The following GPR39 variants were observed in gnomAD, a reference collection of about 807,000 sequenced individuals.
GPR39 encodes the protein G protein-coupled receptor 39, also known as zinc sensing receptor.
Under a neutral mutation model 18.4 loss-of-function variants are expected in GPR39, and 23 were observed. The observed-to-expected ratio is 1.25, with a 90% confidence interval of 0.90 to 1.77. The LOEUF (loss-of-function observed/expected upper bound fraction) is 1.77. Among genes scored for constraint, GPR39 ranks in the 40% most tolerant of loss-of-function variants. GPR39 has a pLI of 0.00. For missense variants in GPR39, 647 were observed against 602.4 expected, an observed-to-expected ratio of 1.07 and a Z score of -0.78; for synonymous variants, 280 against 257.9, an observed-to-expected ratio of 1.09 and a Z score of -0.82.
At chr2:132,588,801 G>T (rs1680777390) in intron 1 of GPR39, among the ~76,000 whole-genome samples, 1 of 152,174 alleles carries the variant, frequency 6.6e-6, no homozygotes, top group Non-Finnish European at 1.5e-5. Flanking sequence ...CCACTGTGAT[G>T]AGCAGAGGAG....
chr2:132,554,955 T>C (rs1438634824), intron 1 of GPR39, among the ~76,000 whole-genome samples: 1 of 36,224 alleles, frequency 2.8e-5, no homozygotes, highest in Non-Finnish European at 4.9e-5. Context: ...TTTCAACCAT[T>C]TTTTTTTTTT....
chr2:132,638,703 T>C (rs1681809572), intron 1 of GPR39, among the ~76,000 whole-genome samples: 1 of 152,194 alleles, frequency 6.6e-6, no homozygotes, highest in African/African-American at 2.4e-5. Flanking sequence ...AGTGCTAAAA[T>C]CTTTTATTGG....
chr2:132,578,060 T>G lies in GPR39; in HGVS notation c.857-67041T>G, dbSNP rs115302107. Among the ~76,000 whole-genome samples, 222 of 143,660 alleles carry G rather than the reference T, an allele frequency of 1.5e-3. 1 individual carries two copies. Among genetic ancestry groups the G allele is most frequent in the African/African-American group, 5.6e-3 (211 of 37,348 alleles). The allele number at this position is 143,660 out of a possible 152,430, so 94.2% of individuals were successfully genotyped here. A position where few individuals can be genotyped will look rare whatever the true frequency, so the allele number is the denominator to read the frequency against. On this transcript the variant is annotated intron_variant, in intron 1 of 1. Transcript: ENST00000329321. ...AAGAAACTCCCCTCTATTTCTATTTTTCTAGAGTTTTTTTTTTTTTTTTTA... is the reference window on the plus strand; with the variant it reads ...AAGAAACTCCCCTCTATTTCTATTTGTCTAGAGTTTTTTTTTTTTTTTTTA...
chr2:132,591,015 G>C (rs1300015094), intron 1 of GPR39, among the ~76,000 whole-genome samples: 1 of 151,702 alleles, frequency 6.6e-6, no homozygotes, highest in African/African-American at 2.4e-5. Context: ...ACTTTGGGAG[G>C]CCGAGGCGGG....
At chr2:132,532,653 A>G (rs1312185207) in intron 1 of GPR39, among the ~76,000 whole-genome samples, 1 of 152,218 alleles carries the variant, frequency 6.6e-6, no homozygotes, top group Non-Finnish European at 1.5e-5. Flanking sequence ...CACCATGATC[A>G]AGTGGGCTTC....
intron 1 of GPR39, among the ~76,000 whole-genome samples, chr2:132,465,456 A>G (rs1383018467): frequency 9.2e-5 from 14 of 152,326 alleles, no homozygotes; most frequent in Admixed American, 5.9e-4. Flanking sequence ...GGTATTGGCA[A>G]TGAAACTGTC....
chr2:132,429,817 A>T (rs1680192148), intron 1 of GPR39, among the ~76,000 whole-genome samples: 1 of 152,224 alleles, frequency 6.6e-6, no homozygotes, highest in Non-Finnish European at 1.5e-5. Context: ...TTCTGGATGA[A>T]ACTGGAATGG....
chr2:132,493,043 C>CAT (rs1223585540), intron 1 of GPR39, among the ~76,000 whole-genome samples: 2 of 111,374 alleles, frequency 1.8e-5, no homozygotes, highest in Non-Finnish European at 3.5e-5. Context: ...ATATATATAC[C>CAT]ATATATACCA....
intron 1 of GPR39, among the ~76,000 whole-genome samples, chr2:132,564,857 C>A (rs901196478): frequency 1.8e-5 from 2 of 113,144 alleles, no homozygotes; most frequent in Non-Finnish European, 3.5e-5. Context: ...CGCTCTATTG[C>A]CCAGGCTGGA....
intron 1 of GPR39, among the ~76,000 whole-genome samples, chr2:132,548,109 C>T (rs950649833): frequency 1.3e-5 from 2 of 152,066 alleles, no homozygotes; most frequent in East Asian, 3.9e-4. Flanking sequence ...CTAAATCATC[C>T]TCCTCCCCTT....
intron 1 of GPR39, among the ~76,000 whole-genome samples, chr2:132,464,709 C>T (rs550730951): frequency 2.0e-5 from 3 of 152,260 alleles, no homozygotes; most frequent in Non-Finnish European, 4.4e-5. Flanking sequence ...TGTGTCCTTC[C>T]CTCCTATGAC....
chr2:132,569,023 C>T (rs936118756), intron 1 of GPR39, among the ~76,000 whole-genome samples: 4 of 152,028 alleles, frequency 2.6e-5, no homozygotes, highest in East Asian at 1.9e-4. Flanking sequence ...ATAGACTAAG[C>T]GCCTTGGTTT....
chr2:132,565,900 A>C (rs1318737986), intron 1 of GPR39, among the ~76,000 whole-genome samples: 288 of 150,408 alleles, frequency 1.9e-3, no homozygotes, highest in East Asian at 6.9e-3. Context: ...ATTTATAGTC[A>C]TTTGGGTATA....
chr2:132,470,687 A>G (rs990945868), intron 1 of GPR39, among the ~76,000 whole-genome samples: 7 of 148,554 alleles, frequency 4.7e-5, no homozygotes, highest in Non-Finnish European at 1.0e-4. Context: ...GTACAAAGGA[A>G]GCATTTGTTG....
rs397702542 is a variant in GPR39, at chr2:132,642,886, A to AT, written c.857-2214dup. Among the ~76,000 whole-genome samples, 83 of 151,904 alleles carry AT rather than the reference A, an allele frequency of 5.5e-4. No homozygotes were observed. The South Asian group carries it at 0.014, about 26-fold the overall frequency. On this transcript the variant is annotated intron_variant, in intron 1 of 1. Coordinates refer to ENST00000329321, the MANE Select transcript of GPR39 (RefSeq NM_001508.3). ...TTCAGTGACAGGAAAGAGAAAAAAAATGCAAAACTTTGTGAAAATATGTGG... is the reference window on the plus strand; with the variant it reads ...TTCAGTGACAGGAAAGAGAAAAAAAATTGCAAAACTTTGTGAAAATATGTGG...
chr2:132,497,632 T>C (rs1273466757), intron 1 of GPR39, among the ~76,000 whole-genome samples: 2 of 152,184 alleles, frequency 1.3e-5, no homozygotes, highest in Admixed American at 1.3e-4. Flanking sequence ...CATAATTATT[T>C]CCCACTTTGG....
intron 1 of GPR39, among the ~76,000 whole-genome samples, chr2:132,615,390 G>C (rs953693052): frequency 6.6e-6 from 1 of 152,128 alleles, no homozygotes; most frequent in Admixed American, 6.5e-5. Flanking sequence ...TTCACCTTGC[G>C]TGCCTTCCTC....
chr2:132,489,822 A>G (rs1237665377), intron 1 of GPR39, among the ~76,000 whole-genome samples: 1 of 151,886 alleles, frequency 6.6e-6, no homozygotes, highest in East Asian at 1.9e-4. Flanking sequence ...TTAAAAATGT[A>G]TTTGTATTAA....
At chr2:132,643,132 C>T (rs1395287107) in intron 1 of GPR39, among the ~76,000 whole-genome samples, 1 of 152,136 alleles carries the variant, frequency 6.6e-6, no homozygotes, top group African/African-American at 2.4e-5. Context: ...GTTGTTGTTC[C>T]TATCCAGCAT....
Sources: allele counts gnomAD v4.1 joint callset (sites outside exome capture counted in the v4.1 genomes callset), GRCh38; gene constraint gnomAD v4.1.1; transcripts MANE v1.5; gene names NCBI Gene and HGNC (gene_info 2026-07-23, HGNC 2026-07-21).